FAAP24: variants seen among roughly 807,000 people sequenced by gnomAD.
FAAP24 encodes FA core complex associated protein 24.
FAAP24 carries 16 observed loss-of-function variants against 14.3 expected under a neutral mutation model. That is an observed-to-expected ratio of 1.12 (90% CI 0.76 to 1.69). FAAP24 has a LOEUF of 1.69. FAAP24 is among the 40% of genes most tolerant of loss of function. The probability of loss-of-function intolerance (pLI) is 0.00; values close to 1 mark genes in which losing one functional copy is unlikely to be tolerated. For missense variants in FAAP24, 234 were observed against 262.7 expected (o/e 0.89, Z 0.75); for synonymous variants, 111 against 106.2 (o/e 1.04, Z -0.28).
rs1470231042 is a variant in FAAP24 at position 32,974,212 on chromosome 19, G to A, written c.396G>A (p.Leu132=). 6.2e-7 allele frequency: 1 copy of A among 1,612,180 alleles called. No individual in the cohort carries two copies. Among genetic ancestry groups the A allele is most frequent in the Non-Finnish European group, 8.5e-7 (1 of 1,179,548 alleles). The change falls in exon 4 of 5, where the codon TTG becomes TTA. Residue 132 remains leucine, a splice_region_variant and synonymous_variant. Transcript: ENST00000588258. The part of the protein sequence containing the change: ...QMEASCLVIQ[L]VQEQTKEPSK... Reference sequence around the variant, plus strand: ...AAGCATCCTGCCTCGTCATCCAGTTGGTGAGTACCGATTCCTACACCTTCG... The same window carrying A: ...AAGCATCCTGCCTCGTCATCCAGTTAGTGAGTACCGATTCCTACACCTTCG...
At position 32,977,227 on chromosome 19, in the gene FAAP24, A is replaced by T. The variant is rs1162116069; in HGVS notation, c.*545A>T. 4 of 399,478 alleles carry T rather than the reference A, an allele frequency of 1.0e-5. No homozygotes were observed. The highest frequency in any genetic ancestry group is 1.8e-5 in the Non-Finnish European group (4 of 226,774). The allele number at this position is 399,478 out of a possible 1,614,324, so 24.7% of individuals were successfully genotyped here. A position where few individuals can be genotyped will look rare whatever the true frequency, so the allele number is the denominator to read the frequency against. On this transcript the variant is annotated 3_prime_UTR_variant, in exon 5 of 5. Transcript: ENST00000588258. ...TGCTAAGACGAAAAGGGCTGGTGGG[A>T]TCTTCGCAAGAGAGTCAGGGACTCA...
At chr19:32,973,660 GC>G (rs1474609904) in intron 3 of FAAP24, 98 bp downstream of exon 3, 1 of 1,282,132 alleles carries the variant, frequency 7.8e-7, no homozygotes, top group African/African-American at 1.5e-5. Flanking sequence ...TTGGAGACCA[GC>G]CTGGCCAACA....
At chr19:32,973,623 G>T in intron 3 of FAAP24, 61 bp downstream of exon 3, 1 of 1,579,982 alleles carries the variant, frequency 6.3e-7, no homozygotes, top group Non-Finnish European at 8.7e-7. Context: ...GGGAGGCCAA[G>T]GCGGGTGGAT....
intron 1 of FAAP24, among the ~76,000 whole-genome samples, chr19:32,972,710 C>CTTTTTTTTTTTTTTTTT (rs377681596): frequency 1.6e-5 from 2 of 128,562 alleles, no homozygotes; most frequent in African/African-American, 3.1e-5. Flanking sequence ...TTTTCTTTTT[C>CTTTTTTTTTTTTTTTTT]TTTTCTTTTT....
Position 32,973,544 on chromosome 19 carries a change from G to A in FAAP24, c.225G>A (p.Arg75=). ...DLVAGNGYRK[R]LVRVRNSNNL... ...TGGCAGGAAATGGCTACAGAAAGAG[G>A]CTTGTTCGGGTTAGAAATGTAAGTA... The change falls in exon 3 of 5, where the codon AGG becomes AGA. Residue 75 remains arginine (R), a synonymous_variant. Transcript: ENST00000588258. 2.5e-6 allele frequency: 4 copies of A among 1,614,178 alleles called. No individual in the cohort carries two copies. The highest frequency in any genetic ancestry group is 3.4e-6 in the Non-Finnish European group (4 of 1,180,018).
rs1229911176 is a variant in FAAP24 at position 32,973,457 on chromosome 19, G to C, written c.138G>C (p.Leu46Phe). ...TTAAGCTCATTTTCGAGGATGGCTTGACACCAGACTTTTATCTGTCGAACA... is the reference window on the plus strand; with the variant it reads ...TTAAGCTCATTTTCGAGGATGGCTTCACACCAGACTTTTATCTGTCGAACA... ...GKIKLIFEDG[L>F]TPDFYLSNRC... Residue 46 changes from leucine (L) to phenylalanine (F), a missense_variant, in exon 3 of 5, where the codon TTG becomes TTC. Physicochemically the swap from Leu to Phe is conservative, Grantham distance 22. Coordinates refer to ENST00000588258, the MANE Select transcript of FAAP24 (RefSeq NM_152266.5). The C allele has an allele frequency of 5.6e-6, 9 of 1,614,190 alleles. No individual in the cohort carries two copies. The highest frequency in any genetic ancestry group is 7.6e-6 in the Non-Finnish European group (9 of 1,180,030).
chr19:32,973,094 A>T (rs931128014), intron 1 of FAAP24, 90 bp from the exon 2 acceptor site: 21 of 888,236 alleles, frequency 2.4e-5, no homozygotes, highest in African/African-American at 6.7e-5. Flanking sequence ...TGCAGAGGGG[A>T]TCCTGCCCCA....
Position 32,976,493 on chromosome 19 carries a change from GCTGT to G in FAAP24, c.463_466del (p.Glu156LeufsTer31). 1 of 1,614,240 alleles carries G rather than the reference GCTGT, an allele frequency of 6.2e-7. No individual in the cohort carries two copies. The highest frequency in any genetic ancestry group is 1.1e-5 in the South Asian group (1 of 91,086). ...TTCTCGGGAAGAAACGGGCCCTGCT[GCTGT>G]CTGAGCCTTCGCTCCTTCGAACCGT... On this transcript the variant is annotated frameshift_variant, in exon 5 of 5. Coordinates refer to ENST00000588258, the MANE Select transcript of FAAP24 (RefSeq NM_152266.5). LOFTEE classifies it high-confidence loss of function.
At chr19:32,974,545 A>G (rs949873185) in intron 4 of FAAP24, among the ~76,000 whole-genome samples, 66 of 152,238 alleles carry the variant, frequency 4.3e-4, no homozygotes, top group African/African-American at 1.5e-3. Flanking sequence ...GCACTTTGGG[A>G]GGCGGAGGCG....
chr19:32,973,912 A>T, intron 3 of FAAP24, 148 bp from the exon 4 acceptor site: 1 of 775,030 alleles, frequency 1.3e-6, no homozygotes. Context: ...AGAAACTCGA[A>T]CATTGATTTG....
intron 4 of FAAP24, among the ~76,000 whole-genome samples, chr19:32,975,760 C>A (rs73579748): frequency 1.3e-3 from 193 of 152,200 alleles, no homozygotes; most frequent in African/African-American, 4.4e-3. Context: ...GCCCGGCCGC[C>A]AACACTTATT....
intron 4 of FAAP24, 135 bp downstream of exon 4, chr19:32,974,347 C>A: frequency 3.9e-6 from 4 of 1,027,854 alleles, no homozygotes; most frequent in Non-Finnish European, 4.1e-6. Flanking sequence ...AATTTAAATG[C>A]GGAAGCTGCC....
At chr19:32,975,460 CT>C (rs35704162) in intron 4 of FAAP24, among the ~76,000 whole-genome samples, 414 of 137,222 alleles carry the variant, frequency 3.0e-3, no homozygotes, top group African/African-American at 5.1e-3. Context: ...CCAACCAACA[CT>C]TTTTTTTTTT....
At position 32,977,591 on chromosome 19, in the gene FAAP24, A is replaced by G. The variant is rs576650570; in HGVS notation, c.*909A>G. On this transcript the variant is annotated 3_prime_UTR_variant, in exon 5 of 5. Transcript: ENST00000588258. The stretch of plus-strand genomic sequence containing the variant: ...TAATCACTGCATATGTCTTCTGCAC[A>G]CAGAAAGTATGAAGTCTGAAGTTCC... The G allele has an allele frequency of 2.8e-5, 11 of 396,832 alleles. No homozygotes were observed. The Admixed American group carries it at 4.9e-4, about 18-fold the overall frequency. 24.6% of individuals were successfully genotyped at this position (396,832 alleles called of 1,614,324 possible).
chr19:32,975,598 T>C (rs1270504332), intron 4 of FAAP24, among the ~76,000 whole-genome samples: 1 of 151,830 alleles, frequency 6.6e-6, no homozygotes, highest in Non-Finnish European at 1.5e-5. Context: ...TAGCTGGAAT[T>C]ACAGGTGCCC....
At chr19:32,976,138 A>C (rs1397928250) in intron 4 of FAAP24, among the ~76,000 whole-genome samples, 1 of 152,156 alleles carries the variant, frequency 6.6e-6, no homozygotes, top group Non-Finnish European at 1.5e-5. Flanking sequence ...ATCCTGCACA[A>C]CTGAAATGTT....
Position 32,974,218 on chromosome 19 carries a change from T to C in FAAP24, c.396+6T>C, listed in dbSNP as rs1425487214. The stretch of plus-strand genomic sequence containing the variant: ...CCTGCCTCGTCATCCAGTTGGTGAG[T>C]ACCGATTCCTACACCTTCGTGGTAG... On this transcript the variant is annotated splice_donor_region_variant and intron_variant, in intron 4 of 4. Transcript: ENST00000588258. The C allele has an allele frequency of 6.2e-7, 1 of 1,609,352 alleles. No homozygotes were observed. Among genetic ancestry groups the C allele is most frequent in the Non-Finnish European group, 8.5e-7 (1 of 1,178,444 alleles).
chr19:32,977,235 AAG>A lies in FAAP24; in HGVS notation c.*558_*559del. 2.5e-6 allele frequency: 1 copy of A among 399,430 alleles called. No homozygotes were observed. Among genetic ancestry groups the A allele is most frequent in the Admixed American group, 4.4e-5 (1 of 22,818 alleles). 24.7% of individuals were successfully genotyped at this position (399,430 alleles called of 1,614,324 possible). A position where few individuals can be genotyped will look rare whatever the true frequency, so the allele number is the denominator to read the frequency against. ...CGAAAAGGGCTGGTGGGATCTTCGC[AAG>A]AGAGTCAGGGACTCACACTCAGCAA... On this transcript the variant is annotated 3_prime_UTR_variant, in exon 5 of 5. Coordinates refer to ENST00000588258, the MANE Select transcript of FAAP24 (RefSeq NM_152266.5).
chr19:32,976,432 T>G lies in FAAP24; in HGVS notation c.398T>G (p.Val133Gly). The G allele has an allele frequency of 6.2e-7, 1 of 1,612,520 alleles. No homozygotes were observed. Among genetic ancestry groups the G allele is most frequent in the Non-Finnish European group, 8.5e-7 (1 of 1,179,078 alleles). ...MEASCLVIQL[V>G]QEQTKEPSKN... is the part of the protein sequence containing the mutation. ...GCTGTTGCTTTCATTGTGGTTCAGG[T>G]TCAAGAGCAAACCAAAGAGCCCAGT... The change falls in exon 5 of 5, where the codon GTT (valine) becomes GGT (glycine). Residue 133 changes from valine (V) to glycine (G), a missense_variant and splice_region_variant. Val to Gly is a moderately radical substitution (Grantham distance 109). Transcript: ENST00000588258.
Sources: allele counts gnomAD v4.1 joint callset (sites outside exome capture counted in the v4.1 genomes callset), GRCh38; gene constraint gnomAD v4.1.1; transcripts MANE v1.5; gene names NCBI Gene and HGNC (gene_info 2026-07-23, HGNC 2026-07-21).